The following ANKRD31 variants were observed in gnomAD, a reference collection of about 807,000 sequenced individuals.
The protein encoded by ANKRD31 is ankyrin repeat domain 31, also known as ankyrin repeat domain-containing protein 31.
ANKRD31 carries 147 observed loss-of-function variants against 186.0 expected under a neutral mutation model. That is an observed-to-expected ratio of 0.79 (90% CI 0.69 to 0.91). The LOEUF is 0.91. Ranked by LOEUF, ANKRD31 falls within the 40% of genes least tolerant of loss-of-function variation. The probability of loss-of-function intolerance (pLI) is 0.00; values close to 1 mark genes in which losing one functional copy is unlikely to be tolerated. For synonymous variants in ANKRD31, 673 were observed against 736.4 expected (o/e 0.91, Z 1.39); for missense variants, 1,986 against 2,148.8 (o/e 0.92, Z 1.50).
At chr5:75,125,380 T>C (rs1749162171) in intron 17 of ANKRD31, among the ~76,000 whole-genome samples, 1 of 152,202 alleles carries the variant, frequency 6.6e-6, no homozygotes, top group Non-Finnish European at 1.5e-5. Context: ...CTCAATCCAG[T>C]AGTTTCTAAG....
chr5:75,211,132 A>G (rs892044174), intron 3 of ANKRD31, among the ~76,000 whole-genome samples: 1 of 152,142 alleles, frequency 6.6e-6, no homozygotes, highest in African/African-American at 2.4e-5. Flanking sequence ...GTGAAACTCC[A>G]TGCTCATTAA....
At chr5:75,111,405 C>CT (rs1235162950) in intron 20 of ANKRD31, among the ~76,000 whole-genome samples, 1 of 151,940 alleles carries the variant, frequency 6.6e-6, no homozygotes, top group Non-Finnish European at 1.5e-5. Flanking sequence ...ACTAACTGTA[C>CT]TTTTTTGTTT....
chr5:75,177,749 G>C (rs1400987345), intron 10 of ANKRD31, among the ~76,000 whole-genome samples: 4 of 152,098 alleles, frequency 2.6e-5, no homozygotes, highest in Non-Finnish European at 4.4e-5. Context: ...AACATGGAAA[G>C]GAACAACTGG....
chr5:75,086,566 G>T (rs1745497567), intron 23 of ANKRD31, among the ~76,000 whole-genome samples: 1 of 152,200 alleles, frequency 6.6e-6, no homozygotes, highest in African/African-American at 2.4e-5. Flanking sequence ...GGACAACATA[G>T]CCTCCAGTGA....
chr5:75,101,107 T>G (rs1746836442), intron 22 of ANKRD31, among the ~76,000 whole-genome samples: 1 of 152,232 alleles, frequency 6.6e-6, no homozygotes, highest in Admixed American at 6.5e-5. Flanking sequence ...GGAGCTCTTG[T>G]AAGGCAGGCC....
At position 75,080,654 on chromosome 5, in the gene ANKRD31, A is replaced by T; in HGVS notation, c.5576-15T>A. 6.6e-7 allele frequency: 1 copy of T among 1,519,048 alleles called. No individual in the cohort carries two copies. Among genetic ancestry groups the T allele is most frequent in the Non-Finnish European group, 8.8e-7 (1 of 1,137,694 alleles). The allele number at this position is 1,519,048 out of a possible 1,614,324, so 94.1% of individuals were successfully genotyped here. On this transcript the variant is annotated splice_polypyrimidine_tract_variant and intron_variant, in intron 24 of 25. Coordinates refer to ENST00000506364, the MANE Select transcript of ANKRD31 (RefSeq NM_001372053.1). ...ACAAGCAACTTCTGAAAGTGAAACA[A>T]AACGTTAGTAATAATTTTGCTGAAT...
intron 6 of ANKRD31, 149 bp downstream of exon 6, chr5:75,199,482 G>A: frequency 2.3e-6 from 1 of 439,900 alleles, no homozygotes; most frequent in Non-Finnish European, 3.8e-6. Flanking sequence ...CATGAAAGAG[G>A]TGATTAGACA....
intron 12 of ANKRD31, among the ~76,000 whole-genome samples, chr5:75,152,856 T>C (rs932899371): frequency 1.1e-4 from 16 of 152,000 alleles, no homozygotes; most frequent in African/African-American, 3.1e-4. Flanking sequence ...ATAATGATTC[T>C]AAAAATATAT....
chr5:75,209,199 T>G (rs1428488292), intron 4 of ANKRD31, among the ~76,000 whole-genome samples: 1 of 152,150 alleles, frequency 6.6e-6, no homozygotes. Context: ...CTTTACATGA[T>G]TTTGTAACAT....
chr5:75,130,923 G>A (rs1049842023), intron 17 of ANKRD31, among the ~76,000 whole-genome samples: 29 of 152,218 alleles, frequency 1.9e-4, no homozygotes, highest in Admixed American at 1.7e-3. Context: ...GAGGGAGCTC[G>A]TCCCACACAA....
At chr5:75,114,975 A>G (rs1448626114) in intron 19 of ANKRD31, among the ~76,000 whole-genome samples, 2 of 152,280 alleles carry the variant, frequency 1.3e-5, no homozygotes, top group East Asian at 1.9e-4. Context: ...AAAGAACAAA[A>G]CTGGAGGCAT....
intron 22 of ANKRD31, among the ~76,000 whole-genome samples, chr5:75,102,750 C>T (rs2150053576): frequency 6.6e-6 from 1 of 152,294 alleles, no homozygotes; most frequent in Non-Finnish European, 1.5e-5. Flanking sequence ...GATATAATCT[C>T]CTGGTGTGCC....
intron 11 of ANKRD31, among the ~76,000 whole-genome samples, chr5:75,156,469 T>C (rs1238915944): frequency 6.6e-6 from 1 of 152,222 alleles, no homozygotes; most frequent in African/African-American, 2.4e-5. Flanking sequence ...GCACTTATCG[T>C]GGTAGGCTGA....
intron 23 of ANKRD31, among the ~76,000 whole-genome samples, chr5:75,088,559 C>A (rs1339369686): frequency 6.6e-6 from 1 of 152,186 alleles, no homozygotes; most frequent in Admixed American, 6.5e-5. Context: ...TAAGGCTTTG[C>A]ATACATTCAT....
intron 25 of ANKRD31, among the ~76,000 whole-genome samples, chr5:75,078,716 G>T (rs1580277883): frequency 6.6e-6 from 1 of 152,262 alleles, no homozygotes; most frequent in East Asian, 1.9e-4. Flanking sequence ...ATAACTTTGT[G>T]AAAAATATGT....
At chr5:75,168,061 T>G (rs902654876) in intron 11 of ANKRD31, among the ~76,000 whole-genome samples, 2 of 151,916 alleles carry the variant, frequency 1.3e-5, no homozygotes, top group Non-Finnish European at 2.9e-5. Flanking sequence ...TGACCACCCA[T>G]CACCAAGATA....
intron 5 of ANKRD31, among the ~76,000 whole-genome samples, chr5:75,200,630 T>G (rs371384152): frequency 3.8e-3 from 577 of 150,538 alleles, no homozygotes; most frequent in African/African-American, 0.014. Flanking sequence ...CCAAGTATTC[T>G]GGCCAGGCAC....
At chr5:75,143,876 T>C (rs563785407) in intron 15 of ANKRD31, 125 bp downstream of exon 15, 4 of 391,564 alleles carry the variant, frequency 1.0e-5, no homozygotes, top group Admixed American at 4.4e-5. Context: ...GAAATAGTCA[T>C]ATAAGTCAGT....
At chr5:75,153,827 A>C (rs571515435) in intron 12 of ANKRD31, among the ~76,000 whole-genome samples, 1 of 152,286 alleles carries the variant, frequency 6.6e-6, no homozygotes, top group Non-Finnish European at 1.5e-5. Context: ...AAGTATAGCC[A>C]TAAGAAAATA....
Sources: gnomAD v4.1 joint callset for allele counts (sites outside exome capture counted in the v4.1 genomes callset) on GRCh38, gnomAD v4.1.1 for gene constraint, MANE v1.5 for transcripts, NCBI Gene and HGNC (gene_info 2026-07-23, HGNC 2026-07-21) for gene names.